Variants in TTLL12 observed in about 807,000 individuals in gnomAD.
TTLL12 encodes the protein tubulin--tyrosine ligase-like protein 12.
In TTLL12, 77 loss-of-function variants were observed where a neutral mutation model predicts 79.6. The observed-to-expected ratio is 0.97, with a 90% CI of 0.81 to 1.17. The LOEUF is 1.17. Ranked by LOEUF, TTLL12 falls within the 50% of genes most tolerant of loss-of-function variation. The pLI, the probability that TTLL12 is intolerant of heterozygous loss-of-function variation, is 0.00. For synonymous variants in TTLL12, 437 were observed against 376.1 expected, an observed-to-expected ratio of 1.16 and a Z score of -1.87; for missense variants, 969 against 895.9, an observed-to-expected ratio of 1.08 and a Z score of -1.04.
rs41277263 is a variant in TTLL12 at position 43,166,814 on chromosome 22, G to T, written c.*1194C>A. 74 of 178,460 alleles carry T rather than the reference G, an allele frequency of 4.1e-4. No homozygotes were observed. Among genetic ancestry groups the T allele is most frequent in the Admixed American group, 2.7e-3 (43 of 15,688 alleles). The allele number at this position is 178,460 out of a possible 1,614,324, so 11.1% of individuals were successfully genotyped here. On this transcript the variant is annotated 3_prime_UTR_variant, in exon 14 of 14. Transcript: ENST00000216129. ...CCAGACAACACAGAGAGGAGAGGCA[G>T]CATCATCAGGTGCAGCTTTGCTACA...
At chr22:43,184,517 C>A (rs1377134652) in intron 1 of TTLL12, among the ~76,000 whole-genome samples, 1 of 152,198 alleles carries the variant, frequency 6.6e-6, no homozygotes, top group Non-Finnish European at 1.5e-5. Flanking sequence ...GAACTCCACG[C>A]AGAGGGAAGA....
At chr22:43,182,567 G>A (rs919263652) in intron 2 of TTLL12, among the ~76,000 whole-genome samples, 1 of 152,198 alleles carries the variant, frequency 6.6e-6, no homozygotes, top group Non-Finnish European at 1.5e-5. Context: ...GGCCAGGCCT[G>A]CTCTGGGTCT....
chr22:43,185,251 A>C (rs5996285), intron 1 of TTLL12, among the ~76,000 whole-genome samples: 206 of 834 alleles, frequency 0.25, 34 homozygotes, highest in Non-Finnish European at 0.32. Flanking sequence ...AAAAAATTAT[A>C]TATATATATA....
chr22:43,181,667 G>A (rs1427302931), intron 2 of TTLL12, among the ~76,000 whole-genome samples: 2 of 152,198 alleles, frequency 1.3e-5, no homozygotes, highest in Admixed American at 6.5e-5. Flanking sequence ...AAACACACAG[G>A]TGCCTAATAG....
At chr22:43,183,191 A>T (rs1932103187) in intron 1 of TTLL12, 42 bp from the exon 2 acceptor site, 1 of 1,605,720 alleles carries the variant, frequency 6.2e-7, no homozygotes, top group Non-Finnish European at 8.5e-7. Context: ...TGGGCAGGAG[A>T]CCCCACCCCA....
At chr22:43,184,187 A>C (rs1460022586) in intron 1 of TTLL12, among the ~76,000 whole-genome samples, 1 of 152,268 alleles carries the variant, frequency 6.6e-6, no homozygotes, top group African/African-American at 2.4e-5. Flanking sequence ...GTGGAGGCTC[A>C]ACAAAGGCCA....
At chr22:43,185,946 A>C (rs1932172465) in intron 1 of TTLL12, 1 of 984,964 alleles carries the variant, frequency 1.0e-6, no homozygotes, top group Non-Finnish European at 1.2e-6. Flanking sequence ...CTGTAGCATA[A>C]GGAGGTGCCA....
Position 43,172,388 on chromosome 22 carries a change from C to T in TTLL12, c.1493+15G>A, listed in dbSNP as rs367686351. ...CCAGCTCCCCGACCCTGGACCCAGC[C>T]GGCCCTCCACTTACCGGTTGGAGAA... On this transcript the variant is annotated intron_variant, in intron 10 of 13. Transcript: ENST00000216129. The T allele has an allele frequency of 1.5e-5, 24 of 1,613,244 alleles. No individual in the cohort carries two copies. The highest frequency in any genetic ancestry group is 8.8e-5 in the South Asian group (8 of 91,082).
rs2147071403 is a variant in TTLL12, at chr22:43,176,371, T to C, written c.866A>G (p.Lys289Arg). The part of the protein sequence containing the change: ...YQAILEENKE[K>R]LPLDINPVVH... The stretch of plus-strand genomic sequence containing the variant: ...CACGGGGTTGATGTCAAGTGGCAGC[T>C]TCTCCTTGTTTTCCTCCAGAATGGC... The change falls in exon 6 of 14, where the codon AAG (lysine) becomes AGG (arginine). Residue 289 changes from lysine to arginine, a missense_variant. Coordinates refer to ENST00000216129, the MANE Select transcript of TTLL12 (RefSeq NM_015140.4). 6.2e-7 allele frequency: 1 copy of C among 1,605,690 alleles called. No individual in the cohort carries two copies. Among genetic ancestry groups the C allele is most frequent in the African/African-American group, 1.3e-5 (1 of 74,980 alleles).
chr22:43,186,903 A>G lies in TTLL12; in HGVS notation c.167T>C (p.Leu56Pro). 1 of 1,319,736 alleles carries G rather than the reference A, an allele frequency of 7.6e-7. No individual in the cohort carries two copies. The highest frequency in any genetic ancestry group is 9.6e-7 in the Non-Finnish European group (1 of 1,036,472). 81.8% of individuals were successfully genotyped at this position (1,319,736 alleles called of 1,614,324 possible). Residue 56 changes from leucine (L) to proline (P), a missense_variant, in exon 1 of 14, where the codon CTG (leucine) becomes CCG (proline). Coordinates refer to ENST00000216129, the MANE Select transcript of TTLL12 (RefSeq NM_015140.4). ...CGCCCTTCCCCGCACCTCGTGCTCC[A>G]GCTTGTGCAGGAGGCGGCCCCAGTA... Reference protein sequence around the residue: ...ERYWGRLLHKLEHEVFDAGEV... With the variant: ...ERYWGRLLHKPEHEVFDAGEV...
In TTLL12 at chr22:43,174,385, C is replaced by A. The variant is rs540380920; in HGVS notation, c.1053G>T (p.Arg351Ser). 53 of 1,566,338 alleles carry A rather than the reference C, an allele frequency of 3.4e-5. No individual in the cohort carries two copies. Among genetic ancestry groups the A allele is most frequent in the Non-Finnish European group, 4.4e-5 (51 of 1,151,576 alleles). Residue 351 changes from arginine (R) to serine (S), a missense_variant, in exon 8 of 14, where the codon AGG becomes AGT. Transcript: ENST00000216129. ...FKDYRKLSQE[R>S]PGVLLNQFPC... ...GGAACTGGTTCAGCAGCACGCCTGG[C>A]CTCTCCTGGCTGAGTTTCCTGCAGG...
intron 1 of TTLL12, chr22:43,185,934 C>G: frequency 1.0e-6 from 1 of 983,826 alleles, no homozygotes; most frequent in African/African-American, 1.7e-5. Flanking sequence ...CTCTCTGTTA[C>G]ACTGTAGCAT....
At position 43,169,545 on chromosome 22, in the gene TTLL12, G is replaced by A. The variant is rs561407721; in HGVS notation, c.1599C>T (p.Pro533=). The change falls in exon 12 of 14, where the codon CCC becomes CCT. Residue 533 remains proline (P), a synonymous_variant. Transcript: ENST00000216129. ...LKQVHCEEFI[P]EFEKQYPEFP... is the part of the protein sequence containing the mutation. ...ATTCTGGGTATTGCTTCTCAAACTC[G>A]GGGATGAACTCTTCACAGTGCACCT... 3.4e-5 allele frequency: 55 copies of A among 1,610,318 alleles called. No individual in the cohort carries two copies. Among genetic ancestry groups the A allele is most frequent in the South Asian group, 1.7e-4 (15 of 90,832 alleles).
chr22:43,180,488 G>C (rs780715181), intron 3 of TTLL12, among the ~76,000 whole-genome samples: 3 of 152,154 alleles, frequency 2.0e-5, no homozygotes, highest in Non-Finnish European at 4.4e-5. Context: ...GAGAGTGACA[G>C]AATCAGGGGG....
rs749339195 is a variant in TTLL12, at chr22:43,168,889, C to T, written c.1668G>A (p.Thr556=). ...TGGCACAGGCCACCTGGAACAGCTCCGTGAAGGCCCGGAAGATCTCAGCCT... is the reference window on the plus strand; with the variant it reads ...TGGCACAGGCCACCTGGAACAGCTCTGTGAAGGCCCGGAAGATCTCAGCCT... ...DVQAEIFRAF[T]ELFQVACAKP... Residue 556 remains threonine (T), a synonymous_variant, in exon 13 of 14, where the codon ACG becomes ACA. Coordinates refer to ENST00000216129, the MANE Select transcript of TTLL12 (RefSeq NM_015140.4). 10 of 1,611,092 alleles carry T rather than the reference C, an allele frequency of 6.2e-6. No homozygotes were observed. Among genetic ancestry groups the T allele is most frequent in the East Asian group, 4.5e-5 (2 of 44,790 alleles).
Position 43,180,877 on chromosome 22 carries a change from C to G in TTLL12, c.411G>C (p.Gln137His). Residue 137 changes from glutamine to histidine, a missense_variant, in exon 3 of 14, where the codon CAG becomes CAC. Physicochemically the swap from Gln to His is conservative, Grantham distance 24 (BLOSUM62 0). Coordinates refer to ENST00000216129, the MANE Select transcript of TTLL12 (RefSeq NM_015140.4). The stretch of plus-strand genomic sequence containing the variant: ...CCATGCGGTGCAGCAGCCCGGGCAC[C>G]TGCTGCAGCTGCTGGCGCGCGTGCT... ...RVEHARQQLQ[Q>H]VPGLLHRMAN... The G allele has an allele frequency of 6.2e-7, 1 of 1,612,904 alleles. No individual in the cohort carries two copies. Among genetic ancestry groups the G allele is most frequent in the Non-Finnish European group, 8.5e-7 (1 of 1,179,924 alleles).
At chr22:43,185,277 ATATATATATATATATATATATATG>A (rs1932154053) in intron 1 of TTLL12, among the ~76,000 whole-genome samples, 1 of 67,968 alleles carries the variant, frequency 1.5e-5, no homozygotes, top group Non-Finnish European at 3.0e-5. Flanking sequence ...ATATATATAT[ATATATATATATATATATATATATG>A]TATGTATCTT....
Position 43,182,051 on chromosome 22 carries a change from G to T in TTLL12, c.347+929C>A, listed in dbSNP as rs191181757. On this transcript the variant is annotated intron_variant, in intron 2 of 13. Transcript: ENST00000216129. Reference sequence around the variant, plus strand: ...AGCAGAAAGGCCCGGAAGCAGGTGGGGCTGAAACAAACACTCAGGCTCCAA... The same window carrying T: ...AGCAGAAAGGCCCGGAAGCAGGTGGTGCTGAAACAAACACTCAGGCTCCAA... Among the ~76,000 whole-genome samples the T allele has an allele frequency of 3.6e-4, 54 of 152,096 alleles. 1 individual carries two copies. The East Asian group carries it at 0.01, about 29-fold the overall frequency.
At chr22:43,181,023 G>A in intron 2 of TTLL12, 83 bp from the exon 3 acceptor site, 1 of 1,446,050 alleles carries the variant, frequency 6.9e-7, no homozygotes, top group Admixed American at 2.0e-5. Context: ...CCAGGGCTGT[G>A]TTGGGACCAG....
Sources: gnomAD v4.1 joint callset for allele counts (sites outside exome capture counted in the v4.1 genomes callset) on GRCh38, gnomAD v4.1.1 for gene constraint, MANE v1.5 for transcripts, NCBI Gene and HGNC (gene_info 2026-07-23, HGNC 2026-07-21) for gene names.